The following KIRREL3 variants were observed in gnomAD, a reference collection of about 807,000 sequenced individuals.
KIRREL3 encodes kin of IRRE-like protein 3.
A neutral mutation model predicts 89.7 loss-of-function variants in KIRREL3; 36 were observed. That is an observed-to-expected ratio of 0.40 (90% CI 0.31 to 0.53). The LOEUF is 0.53. Among genes scored for constraint, KIRREL3 ranks in the 20% least tolerant of loss-of-function variants. The pLI is 0.49. For missense variants in KIRREL3, 864 were observed against 1,056.6 expected (o/e 0.82, Z 2.53); for synonymous variants, 445 against 441.4 (o/e 1.01, Z -0.10).
chr11:126,933,429 C>T (rs1948042684), intron 1 of KIRREL3, among the ~76,000 whole-genome samples: 1 of 151,342 alleles, frequency 6.6e-6, no homozygotes, highest in Non-Finnish European at 1.5e-5. Context: ...TTAGGGGAAC[C>T]TCCTTTATAC....
At position 126,768,740 on chromosome 11, in the gene KIRREL3, A is replaced by G. The variant is rs927844599; in HGVS notation, c.56-205828T>C. On this transcript the variant is annotated intron_variant, in intron 1 of 16. Transcript: ENST00000525144. The surrounding 1 kb of genome is among the most constrained non-coding windows in gnomAD (Gnocchi z 4.5). ...CAAGTGCAAAGGTCCTAAGGTGAGA[A>G]TGACCCAGGTGCCTTCAGGAATAGA... Among the ~76,000 whole-genome samples, 2 of 152,146 alleles carry G rather than the reference A, an allele frequency of 1.3e-5. No homozygotes were observed. The highest frequency in any genetic ancestry group is 2.9e-5 in the Non-Finnish European group (2 of 68,026).
intron 4 of KIRREL3, among the ~76,000 whole-genome samples, chr11:126,505,412 A>C (rs1454249669): frequency 6.6e-6 from 1 of 152,212 alleles, no homozygotes. Context: ...TCTACTAAAA[A>C]TATGAAAAAT....
In KIRREL3 at chr11:126,802,784, G is replaced by A. The variant is rs1951081032; in HGVS notation, c.55+197671C>T. Among the ~76,000 whole-genome samples the A allele has an allele frequency of 6.6e-6, 1 of 152,254 alleles. No homozygotes were observed. Among genetic ancestry groups the A allele is most frequent in the South Asian group, 2.1e-4 (1 of 4,816 alleles). ...TCTTTTTCAAAATGCTTAACATTACGAGTATTTTGGTCTTTGTTTAGTTCA... is the reference window on the plus strand; with the variant it reads ...TCTTTTTCAAAATGCTTAACATTACAAGTATTTTGGTCTTTGTTTAGTTCA... On this transcript the variant is annotated intron_variant, in intron 1 of 16. Transcript: ENST00000525144. This position sits in a 1 kb window ranked among gnomAD's most constrained non-coding sequence, Gnocchi z 5.2.
intron 1 of KIRREL3, among the ~76,000 whole-genome samples, chr11:126,793,142 T>A (rs570681072): frequency 1.3e-5 from 2 of 151,534 alleles, no homozygotes; most frequent in East Asian, 3.9e-4. Flanking sequence ...CTTGTAAGGT[T>A]TATTGCAAAA....
intron 1 of KIRREL3, among the ~76,000 whole-genome samples, chr11:126,737,236 G>A (rs1209535850): frequency 6.6e-6 from 1 of 152,080 alleles, no homozygotes; most frequent in Non-Finnish European, 1.5e-5. Flanking sequence ...GAGTGGGGAG[G>A]AGCAGGGATG....
chr11:126,941,786 T>G (rs1311917830), intron 1 of KIRREL3, among the ~76,000 whole-genome samples: 1 of 152,204 alleles, frequency 6.6e-6, no homozygotes, highest in African/African-American at 2.4e-5. Context: ...ATGGTAGGCC[T>G]CCAGGGATCT....
chr11:126,762,467 G>A (rs183356997), intron 1 of KIRREL3, among the ~76,000 whole-genome samples: 15 of 152,274 alleles, frequency 9.9e-5, no homozygotes, highest in African/African-American at 3.6e-4. Flanking sequence ...CTCAGAAAAG[G>A]CACTTCATTC....
chr11:126,532,084 T>C (rs1958961220), intron 2 of KIRREL3, among the ~76,000 whole-genome samples: 1 of 152,264 alleles, frequency 6.6e-6, no homozygotes, highest in South Asian at 2.1e-4. Flanking sequence ...GAAGATTTAC[T>C]TGATGCCACA....
At position 126,424,366 on chromosome 11, in the gene KIRREL3, T is replaced by C. The variant is rs3802815; in HGVS notation, c.*214A>G. 166,187 of 466,656 alleles carry C rather than the reference T, an allele frequency of 0.36. 36,729 individuals carry two copies. Among genetic ancestry groups the C allele is most frequent in the African/African-American group, 0.57 (28,081 of 49,144 alleles). 28.9% of individuals were successfully genotyped at this position (466,656 alleles called of 1,614,324 possible). A position where few individuals can be genotyped will look rare whatever the true frequency, so the allele number is the denominator to read the frequency against. On this transcript the variant is annotated 3_prime_UTR_variant, in exon 17 of 17. Coordinates refer to ENST00000525144, the MANE Select transcript of KIRREL3 (RefSeq NM_032531.4). ...AGCGCACTCAGCCGCAGCCTCTGTC[T>C]GTCTCCCCACCCGCCCACCTCTGGC...
In KIRREL3 at chr11:126,652,427, C is replaced by T. The variant is rs1181048807; in HGVS notation, c.56-89515G>A. On this transcript the variant is annotated intron_variant, in intron 1 of 16. Transcript: ENST00000525144. The surrounding 1 kb of genome is among the most constrained non-coding windows in gnomAD (Gnocchi z 4.9). ...GAACAAGAGCTACCATGCCTTGAGC[C>T]CATTCTAAATGGTAGGCAAGTGCTA... Among the ~76,000 whole-genome samples the T allele has an allele frequency of 6.6e-6, 1 of 152,126 alleles. No individual in the cohort carries two copies. The highest frequency in any genetic ancestry group is 1.5e-5 in the Non-Finnish European group (1 of 68,020).
In KIRREL3 at chr11:126,817,577, A is replaced by C. The variant is rs1951615847; in HGVS notation, c.55+182878T>G. Among the ~76,000 whole-genome samples, 1 of 152,184 alleles carries C rather than the reference A, an allele frequency of 6.6e-6. No individual in the cohort carries two copies. The highest frequency in any genetic ancestry group is 2.4e-5 in the African/African-American group (1 of 41,444). ...GCTCGGTACTCCCTGTCCCATGCCCAGAAGGGGATGCCTTGCTTTCTCATC... is the reference window on the plus strand; with the variant it reads ...GCTCGGTACTCCCTGTCCCATGCCCCGAAGGGGATGCCTTGCTTTCTCATC... On this transcript the variant is annotated intron_variant, in intron 1 of 16. Coordinates refer to ENST00000525144, the MANE Select transcript of KIRREL3 (RefSeq NM_032531.4). This position sits in a 1 kb window ranked among gnomAD's most constrained non-coding sequence, Gnocchi z 5.7.
In KIRREL3 at chr11:126,877,448, CAATCCTGCAATGGAAAG is replaced by C. The variant is rs1238406463; in HGVS notation, c.55+122990_55+123006del. Among the ~76,000 whole-genome samples the C allele has an allele frequency of 2.0e-5, 3 of 152,218 alleles. No homozygotes were observed. Among genetic ancestry groups the C allele is most frequent in the Non-Finnish European group, 4.4e-5 (3 of 68,032 alleles). The stretch of plus-strand genomic sequence containing the variant: ...CCAAGCAGTCTGTAGTGAAAGTCTG[CAATCCTGCAATGGAAAG>C]AATCTCTTTCCTCCACTCACTCACT... On this transcript the variant is annotated intron_variant, in intron 1 of 16. Coordinates refer to ENST00000525144, the MANE Select transcript of KIRREL3 (RefSeq NM_032531.4). This position sits in a 1 kb window ranked among gnomAD's most constrained non-coding sequence, Gnocchi z 4.9.
intron 1 of KIRREL3, among the ~76,000 whole-genome samples, chr11:126,824,645 G>A (rs796308461): frequency 6.6e-6 from 1 of 152,188 alleles, no homozygotes; most frequent in Non-Finnish European, 1.5e-5. Flanking sequence ...AGAGACAAAT[G>A]GTTGCATTAT....
chr11:126,972,061 G>A (rs1307549187), intron 1 of KIRREL3, among the ~76,000 whole-genome samples: 3 of 152,152 alleles, frequency 2.0e-5, no homozygotes, highest in Non-Finnish European at 4.4e-5. Flanking sequence ...ATCTCCGGAT[G>A]AGTTAGAGGG....
At chr11:126,840,422 G>A (rs1943924848) in intron 1 of KIRREL3, among the ~76,000 whole-genome samples, 1 of 152,118 alleles carries the variant, frequency 6.6e-6, no homozygotes, top group Non-Finnish European at 1.5e-5. Flanking sequence ...TAGGATCTGA[G>A]AATCTGAGTT....
chr11:126,488,735 G>C (rs570123326), intron 4 of KIRREL3, among the ~76,000 whole-genome samples: 10 of 152,350 alleles, frequency 6.6e-5, no homozygotes, highest in African/African-American at 2.4e-4. Context: ...AAGCCTGCTA[G>C]GTGACTGCTC....
intron 7 of KIRREL3, among the ~76,000 whole-genome samples, chr11:126,450,211 G>A (rs1955983587): frequency 6.6e-6 from 1 of 152,246 alleles, no homozygotes; most frequent in Admixed American, 6.5e-5. Flanking sequence ...ATGTGAATGT[G>A]TGCATGTATG....
chr11:126,470,294 C>T (rs1565480803), intron 5 of KIRREL3, among the ~76,000 whole-genome samples: 1 of 152,356 alleles, frequency 6.6e-6, no homozygotes, highest in East Asian at 1.9e-4. Flanking sequence ...TTTCATTCTC[C>T]TCTGGACAAC....
At chr11:126,852,521 T>C (rs1277205538) in intron 1 of KIRREL3, among the ~76,000 whole-genome samples, 2 of 152,162 alleles carry the variant, frequency 1.3e-5, no homozygotes, top group Non-Finnish European at 2.9e-5. Context: ...GCCATATATA[T>C]AGTATCTGGA....
Sources: gnomAD v4.1 joint callset for allele counts (sites outside exome capture counted in the v4.1 genomes callset) on GRCh38, gnomAD v4.1.1 for gene constraint, Gnocchi (gnomAD v3.1) non-coding constraint, MANE v1.5 for transcripts, NCBI Gene and HGNC (gene_info 2026-07-23, HGNC 2026-07-21) for gene names.